Variants in JMJD1C observed in about 807,000 individuals in gnomAD.
JMJD1C encodes the protein jumonji domain containing 1C.
JMJD1C carries 31 observed loss-of-function variants against 245.3 expected under a neutral mutation model. That is an observed-to-expected ratio of 0.13 (90% CI 0.09 to 0.17). The LOEUF is 0.17. JMJD1C is among the 10% of genes least tolerant of loss of function. JMJD1C has a pLI of 1.00. For synonymous variants in JMJD1C, 1,057 were observed against 1,017.4 expected (o/e 1.04, Z -0.74); for missense variants, 2,691 against 3,000.2 (o/e 0.90, Z 2.41).
chr10:63,188,291 C>CA (rs1257437399), intron 18 of JMJD1C, among the ~76,000 whole-genome samples: 6 of 152,056 alleles, frequency 3.9e-5, no homozygotes, highest in Admixed American at 1.3e-4. Flanking sequence ...GAGACCAAGG[C>CA]AAAAAAGACA....
At chr10:63,283,092 C>A (rs1006723619) in intron 2 of JMJD1C, among the ~76,000 whole-genome samples, 7 of 152,138 alleles carry the variant, frequency 4.6e-5, no homozygotes, top group Admixed American at 2.6e-4. Flanking sequence ...AGTCCCAGAT[C>A]TAACTGGGAA....
chr10:63,381,884 G>A (rs1947246118), intron 1 of JMJD1C, among the ~76,000 whole-genome samples: 1 of 152,126 alleles, frequency 6.6e-6, no homozygotes, highest in Non-Finnish European at 1.5e-5. Context: ...CTGTACTGAT[G>A]ACTCTAGAAG....
chr10:63,203,773 T>C (rs1846290609), intron 10 of JMJD1C: 1 of 958,594 alleles, frequency 1.0e-6, no homozygotes, highest in African/African-American at 1.8e-5. Flanking sequence ...CACACTATTA[T>C]GTGTATGTGT....
intron 3 of JMJD1C, chr10:63,222,209 A>C: frequency 2.6e-6 from 2 of 762,634 alleles, no homozygotes; most frequent in Non-Finnish European, 4.9e-6. Flanking sequence ...CACCATGTTC[A>C]GAGGAATTTA....
At chr10:63,249,695 C>G (rs1465433412) in intron 3 of JMJD1C, among the ~76,000 whole-genome samples, 2 of 151,900 alleles carry the variant, frequency 1.3e-5, no homozygotes, top group Non-Finnish European at 2.9e-5. Context: ...CCCGTCTCTA[C>G]TAAAAAATAC....
chr10:63,521,499 G>C, intron 1 of JMJD1C: 4 of 1,357,926 alleles, frequency 2.9e-6, no homozygotes, highest in Non-Finnish European at 3.9e-6. Flanking sequence ...GGTCCGCAGC[G>C]CCCTGCGCCC....
chr10:63,305,629 C>CGTGTGTGTGTGTGTGTGTGTGTGTGT lies in JMJD1C; in HGVS notation c.334-40891_334-40866dup, dbSNP rs36038855. ...CTACGGGCAAGCACCACCATGCTGG[C>CGTGTGTGTGTGTGTGTGTGTGTGTGT]GTGTGTGTGTGTGTGTGTGTGTGTG... On this transcript the variant is annotated intron_variant, in intron 2 of 25. Coordinates refer to ENST00000399262, the MANE Select transcript of JMJD1C (RefSeq NM_032776.3). 5.9e-4 allele frequency among the ~76,000 whole-genome samples: 72 copies of CGTGTGTGTGTGTGTGTGTGTGTGTGT among 121,770 alleles called. 3 individuals are homozygous for CGTGTGTGTGTGTGTGTGTGTGTGTGT. Among genetic ancestry groups the CGTGTGTGTGTGTGTGTGTGTGTGTGT allele is most frequent in the Non-Finnish European group, 8.4e-4 (48 of 57,416 alleles). The allele number at this position is 121,770 out of a possible 152,430, so 79.9% of individuals were successfully genotyped here.
At chr10:63,369,230 GC>G (rs1340429233) in intron 2 of JMJD1C, among the ~76,000 whole-genome samples, 2 of 151,336 alleles carry the variant, frequency 1.3e-5, no homozygotes, top group African/African-American at 4.9e-5. Context: ...TGCAACCTCT[GC>G]CTTCCAGGTT....
chr10:63,178,748 A>C (rs1415885254), intron 22 of JMJD1C, among the ~76,000 whole-genome samples: 4 of 152,224 alleles, frequency 2.6e-5, no homozygotes, highest in Non-Finnish European at 5.9e-5. Flanking sequence ...AATGTTGACA[A>C]ACTAAAATTC....
chr10:63,451,546 C>G (rs1952070711), intron 1 of JMJD1C, among the ~76,000 whole-genome samples: 1 of 152,038 alleles, frequency 6.6e-6, no homozygotes, highest in African/African-American at 2.4e-5. Flanking sequence ...ATTTACAGAG[C>G]ATTTACACTG....
chr10:63,291,680 T>C (rs1170194948), intron 2 of JMJD1C, among the ~76,000 whole-genome samples: 1 of 151,438 alleles, frequency 6.6e-6, no homozygotes, highest in East Asian at 1.9e-4. Context: ...GCAGTGACTA[T>C]TCACAGGCAT....
intron 1 of JMJD1C, among the ~76,000 whole-genome samples, chr10:63,430,054 C>T (rs1345930003): frequency 1.3e-5 from 2 of 152,118 alleles, no homozygotes; most frequent in Admixed American, 6.5e-5. Context: ...TCTAAAGCCA[C>T]TTTTTAAAAA....
intron 2 of JMJD1C, among the ~76,000 whole-genome samples, chr10:63,330,171 G>C (rs1312978912): frequency 6.6e-6 from 1 of 152,168 alleles, no homozygotes; most frequent in Non-Finnish European, 1.5e-5. Flanking sequence ...CAAAGTGCTG[G>C]GACTACAGGC....
intron 2 of JMJD1C, among the ~76,000 whole-genome samples, chr10:63,267,817 T>A (rs1206939461): frequency 1.3e-5 from 2 of 152,142 alleles, no homozygotes; most frequent in Non-Finnish European, 2.9e-5. Flanking sequence ...ATAAATATAG[T>A]TGAGAGCCTG....
intron 1 of JMJD1C, among the ~76,000 whole-genome samples, chr10:63,425,461 A>C: frequency 8.7e-6 from 1 of 114,290 alleles, no homozygotes; most frequent in South Asian, 3.4e-4. Context: ...TCCAAACTGC[A>C]TATCACATGA....
At chr10:63,177,405 C>T (rs1391397740) in intron 23 of JMJD1C, 10 of 286,570 alleles carry the variant, frequency 3.5e-5, no homozygotes, top group Admixed American at 3.1e-4. Flanking sequence ...TTTTACATCC[C>T]GCGACTCCAG....
intron 2 of JMJD1C, among the ~76,000 whole-genome samples, chr10:63,292,777 G>T (rs1858934566): frequency 1.3e-5 from 2 of 152,136 alleles, no homozygotes; most frequent in Admixed American, 1.3e-4. Flanking sequence ...GGGTGTGGTG[G>T]CTCACGCCTG....
At chr10:63,425,356 G>A (rs1950378015) in intron 1 of JMJD1C, among the ~76,000 whole-genome samples, 1 of 152,164 alleles carries the variant, frequency 6.6e-6, no homozygotes, top group African/African-American at 2.4e-5. Flanking sequence ...AAAAAATTCA[G>A]TGGTAGTTTA....
At chr10:63,387,838 T>C (rs1324163609) in intron 1 of JMJD1C, among the ~76,000 whole-genome samples, 1 of 151,724 alleles carries the variant, frequency 6.6e-6, no homozygotes, top group Non-Finnish European at 1.5e-5. Context: ...GGTTTCACCG[T>C]GTTAGCCAGG....
Sources: gnomAD v4.1 joint callset for allele counts (sites outside exome capture counted in the v4.1 genomes callset) on GRCh38, gnomAD v4.1.1 for gene constraint, MANE v1.5 for transcripts, NCBI Gene and HGNC (gene_info 2026-07-23, HGNC 2026-07-21) for gene names.